The following AP1M2 variants were observed in gnomAD, a reference collection of about 807,000 sequenced individuals.
The protein encoded by AP1M2 is AP-1 complex subunit mu-2.
Under a neutral mutation model 54.6 loss-of-function variants are expected in AP1M2, and 41 were observed. The ratio of observed to expected loss-of-function variants is 0.75; its 90% CI spans 0.59 to 0.97. The LOEUF (loss-of-function observed/expected upper bound fraction) is 0.97. Among genes scored for constraint, AP1M2 ranks in the 50% least tolerant of loss-of-function variants. The pLI, the probability that AP1M2 is intolerant of heterozygous loss-of-function variation, is 0.00. For synonymous variants in AP1M2, 219 were observed against 215.9 expected, an observed-to-expected ratio of 1.01 and a Z score of -0.13; for missense variants, 507 against 561.2, an observed-to-expected ratio of 0.90 and a Z score of 0.98.
intron 11 of AP1M2, among the ~76,000 whole-genome samples, chr19:10,573,945 GC>G (rs1372837157): frequency 6.6e-6 from 1 of 151,646 alleles, no homozygotes; most frequent in Non-Finnish European, 1.5e-5. Context: ...ACAGATGTGA[GC>G]CACCACACCC....
At chr19:10,582,346 G>A (rs776999202) in intron 3 of AP1M2, among the ~76,000 whole-genome samples, 24 of 151,976 alleles carry the variant, frequency 1.6e-4, no homozygotes, top group Non-Finnish European at 2.8e-4. Flanking sequence ...CCGGCCATGA[G>A]CCCCTATCTC....
At chr19:10,573,980 A>T (rs1648598841) in intron 11 of AP1M2, among the ~76,000 whole-genome samples, 1 of 151,762 alleles carries the variant, frequency 6.6e-6, no homozygotes, top group African/African-American at 2.4e-5. Context: ...CATTTTAAAG[A>T]CGTGCAAACC....
chr19:10,573,230 C>A, intron 11 of AP1M2, 142 bp from the exon 12 acceptor site: 1 of 715,382 alleles, frequency 1.4e-6, no homozygotes, highest in East Asian at 2.8e-5. Flanking sequence ...ACCAGCCTGG[C>A]CAACATGGTG....
chr19:10,572,826 C>A lies in AP1M2; in HGVS notation c.*240G>T, dbSNP rs973052954. 5.1e-5 allele frequency: 23 copies of A among 452,618 alleles called. No individual in the cohort carries two copies. The highest frequency in any genetic ancestry group is 8.8e-5 in the Non-Finnish European group (22 of 250,226). 28.0% of individuals were successfully genotyped at this position (452,618 alleles called of 1,614,324 possible). On this transcript the variant is annotated 3_prime_UTR_variant, in exon 12 of 12. Transcript: ENST00000250244. ...AGGACTTCAAGCCCCTCTTCTATTT[C>A]TTCATATAAAATCAGGGGGATGGGG...
At chr19:10,582,382 A>G (rs1355111194) in intron 3 of AP1M2, among the ~76,000 whole-genome samples, 1 of 152,048 alleles carries the variant, frequency 6.6e-6, no homozygotes, top group East Asian at 1.9e-4. Flanking sequence ...AAATTTTAAT[A>G]GGAGTTCGAG....
chr19:10,586,760 A>G (rs1303514505), intron 1 of AP1M2, among the ~76,000 whole-genome samples: 1 of 152,082 alleles, frequency 6.6e-6, no homozygotes, highest in Non-Finnish European at 1.5e-5. Context: ...AAGAGGAATA[A>G]AAGGACTTCA....
In AP1M2 at chr19:10,577,301, G is replaced by A; in HGVS notation, c.944C>T (p.Pro315Leu). The change falls in exon 9 of 12, where the codon CCT becomes CTT. Residue 315 changes from proline (P) to leucine (L), a missense_variant. Coordinates refer to ENST00000250244, the MANE Select transcript of AP1M2 (RefSeq NM_005498.5). ...GGGGGAGTCGGCATCGCTGGGTACA[G>A]GCACAGATATCTCCACACCGTTGGC... is the stretch of plus-strand genomic sequence containing the variant. ...SVANGVEISV[P>L]VPSDADSPRF... The A allele has an allele frequency of 6.2e-7, 1 of 1,611,938 alleles. No homozygotes were observed. The highest frequency in any genetic ancestry group is 8.5e-7 in the Non-Finnish European group (1 of 1,179,140).
At position 10,583,658 on chromosome 19, in the gene AP1M2, G is replaced by T. The variant is rs549899023; in HGVS notation, c.215C>A (p.Ser72Ter). The part of the protein sequence containing the change: ...HSNLYLVATT[S>*]KNANASLVYS... Reference sequence around the variant, plus strand: ...CACCAGGGAGGCATTGGCATTCTTCGATGTGGTGGCCACCACTGGGGCAGC... The same window carrying T: ...CACCAGGGAGGCATTGGCATTCTTCTATGTGGTGGCCACCACTGGGGCAGC... Residue 72 changes from serine to a stop codon, truncating the protein, a stop_gained, in exon 3 of 12, where the codon TCG (serine) becomes TAG (stop). Transcript: ENST00000250244. LOFTEE classifies it high-confidence loss of function. The T allele has an allele frequency of 5.0e-6, 8 of 1,613,178 alleles. No homozygotes were observed. Among genetic ancestry groups the T allele is most frequent in the African/African-American group, 1.3e-5 (1 of 74,880 alleles).
intron 9 of AP1M2, among the ~76,000 whole-genome samples, chr19:10,576,513 C>A (rs62128856): frequency 2.0e-5 from 3 of 151,806 alleles, no homozygotes; most frequent in African/African-American, 7.3e-5. Flanking sequence ...CCGCCCACCT[C>A]GGCCTCCCAA....
intron 1 of AP1M2, among the ~76,000 whole-genome samples, chr19:10,585,376 G>C (rs1462268326): frequency 6.6e-6 from 1 of 150,914 alleles, no homozygotes; most frequent in Non-Finnish European, 1.5e-5. Context: ...ATATGATTGT[G>C]CCTGGTAGTC....
intron 1 of AP1M2, among the ~76,000 whole-genome samples, chr19:10,584,616 AAAG>A (rs1917571219): frequency 6.7e-6 from 1 of 150,290 alleles, no homozygotes; most frequent in African/African-American, 2.4e-5. Flanking sequence ...GAAAGAAAGT[AAAG>A]AAGGAAGGGA....
intron 11 of AP1M2, 152 bp downstream of exon 11, chr19:10,574,265 C>T: frequency 1.7e-6 from 1 of 587,836 alleles, no homozygotes; most frequent in Non-Finnish European, 2.9e-6. Context: ...AGAGATCCAC[C>T]CGCCTTGGCC....
intron 1 of AP1M2, among the ~76,000 whole-genome samples, chr19:10,586,748 A>G (rs951314262): frequency 5.9e-5 from 9 of 152,054 alleles, no homozygotes; most frequent in African/African-American, 2.2e-4. Flanking sequence ...ATAAAAAAAG[A>G]CAAGAGGAAT....
intron 1 of AP1M2, among the ~76,000 whole-genome samples, chr19:10,585,669 G>C (rs981002521): frequency 6.6e-6 from 1 of 151,382 alleles, no homozygotes; most frequent in African/African-American, 2.4e-5. Context: ...CCTGGTGACA[G>C]AGCGAGACTC....
rs1349380462 is a variant in AP1M2, at chr19:10,581,613, G to A, written c.420C>T (p.Asn140=). ...ILQEYITQQS[N]KLETGKSRVP... ...CCCGTGACTTGCCCGTCTCCAGCTTGTTGCTCTGCTGAGTGATGTACCTGG... is the reference window on the plus strand; with the variant it reads ...CCCGTGACTTGCCCGTCTCCAGCTTATTGCTCTGCTGAGTGATGTACCTGG... Residue 140 remains asparagine, a synonymous_variant, in exon 5 of 12, where the codon AAC becomes AAT. Transcript: ENST00000250244. 1.2e-5 allele frequency: 19 copies of A among 1,613,988 alleles called. No individual in the cohort carries two copies. The highest frequency in any genetic ancestry group is 1.5e-5 in the Non-Finnish European group (18 of 1,179,960).
intron 8 of AP1M2, 112 bp downstream of exon 8, chr19:10,578,780 G>A: frequency 2.8e-6 from 2 of 723,472 alleles, no homozygotes; most frequent in Non-Finnish European, 4.6e-6. Flanking sequence ...TCAAAGTCCT[G>A]GGCTTAAGTG....
chr19:10,581,699 T>C, intron 4 of AP1M2, 49 bp downstream of exon 4: 1 of 1,611,770 alleles, frequency 6.2e-7, no homozygotes, highest in Non-Finnish European at 8.5e-7. Flanking sequence ...CTCCTCCAGT[T>C]CCTTACACCC....
intron 1 of AP1M2, among the ~76,000 whole-genome samples, chr19:10,585,895 G>A (rs891011340): frequency 2.0e-5 from 3 of 152,046 alleles, no homozygotes; most frequent in African/African-American, 4.8e-5. Context: ...CACTTTGGGA[G>A]GCTGAAGCAG....
intron 5 of AP1M2, 38 bp downstream of exon 5, chr19:10,581,449 G>A (rs772577586): frequency 1.2e-6 from 2 of 1,611,170 alleles, no homozygotes; most frequent in Non-Finnish European, 8.5e-7. Flanking sequence ...CCTGCAGCCA[G>A]GCCGTGGAAG....
Sources: allele counts gnomAD v4.1 joint callset (sites outside exome capture counted in the v4.1 genomes callset), GRCh38; gene constraint gnomAD v4.1.1; transcripts MANE v1.5; gene names NCBI Gene and HGNC (gene_info 2026-07-23, HGNC 2026-07-21).